Variants in LIMS1 observed in about 807,000 individuals in gnomAD.
LIMS1 encodes LIM zinc finger domain containing 1.
LIMS1 carries 18 observed loss-of-function variants against 44.1 expected under a neutral mutation model. That is an observed-to-expected ratio of 0.41 (90% CI 0.28 to 0.61). LIMS1 has a LOEUF of 0.61. LIMS1 is among the 20% of genes least tolerant of loss of function. LIMS1 has a pLI of 0.32. For missense variants in LIMS1, 201 were observed against 422.0 expected, an observed-to-expected ratio of 0.48 and a Z score of 4.59; for synonymous variants, 93 against 149.1, an observed-to-expected ratio of 0.62 and a Z score of 2.74.
At chr2:108,647,838 C>T (rs1436265936) in intron 1 of LIMS1, among the ~76,000 whole-genome samples, 1 of 152,148 alleles carries the variant, frequency 6.6e-6, no homozygotes, top group African/African-American at 2.4e-5. Flanking sequence ...CTATTTATGG[C>T]AAACCCACAG....
chr2:108,673,086 A>G, intron 5 of LIMS1, 57 bp downstream of exon 5: 2 of 1,252,722 alleles, frequency 1.6e-6, no homozygotes, highest in Non-Finnish European at 1.1e-6. Flanking sequence ...GATTACATTT[A>G]TCTATATTTC....
intron 1 of LIMS1, among the ~76,000 whole-genome samples, chr2:108,639,294 A>G (rs915830683): frequency 7.9e-5 from 12 of 151,880 alleles, no homozygotes; most frequent in African/African-American, 2.9e-4. Context: ...AGTTCAGGAG[A>G]AAAAAAAGGG....
intron 1 of LIMS1, among the ~76,000 whole-genome samples, chr2:108,617,299 G>T (rs1176956695): frequency 6.6e-6 from 1 of 152,216 alleles, no homozygotes; most frequent in Non-Finnish European, 1.5e-5. Flanking sequence ...ACTATGACAA[G>T]TTTAGGCAAA....
intron 1 of LIMS1, among the ~76,000 whole-genome samples, chr2:108,560,334 A>G (rs1685068859): frequency 6.6e-6 from 1 of 152,152 alleles, no homozygotes; most frequent in East Asian, 1.9e-4. Flanking sequence ...ACCCTAAGGA[A>G]AAGCCGTAGT....
chr2:108,591,578 G>A (rs1207805807), intron 1 of LIMS1, among the ~76,000 whole-genome samples: 1 of 151,918 alleles, frequency 6.6e-6, no homozygotes, highest in Non-Finnish European at 1.5e-5. Flanking sequence ...TCCTGCTCCC[G>A]CCTCCCAAAT....
intron 1 of LIMS1, among the ~76,000 whole-genome samples, chr2:108,653,989 C>CAGTT (rs922076790): frequency 5.4e-5 from 8 of 148,170 alleles, no homozygotes; most frequent in African/African-American, 2.0e-4. Context: ...AGGAAGCAAT[C>CAGTT]AGTTATGCAT....
chr2:108,620,657 G>A (rs933967247), intron 1 of LIMS1, among the ~76,000 whole-genome samples: 6 of 152,160 alleles, frequency 3.9e-5, no homozygotes, highest in East Asian at 3.9e-4. Context: ...CCTTTCCTAC[G>A]AGAGGGCATT....
chr2:108,641,285 A>G (rs1689650475), intron 1 of LIMS1, among the ~76,000 whole-genome samples: 1 of 152,244 alleles, frequency 6.6e-6, no homozygotes, highest in Non-Finnish European at 1.5e-5. Context: ...AAGATATCAT[A>G]AAGTTTGGGA....
chr2:108,656,624 T>TC (rs1335078395), intron 1 of LIMS1, among the ~76,000 whole-genome samples: 15 of 150,998 alleles, frequency 9.9e-5, no homozygotes, highest in Non-Finnish European at 2.2e-4. Flanking sequence ...GTTTCCTTTT[T>TC]CCCCCTGCTT....
At chr2:108,667,549 A>ATATAT (rs1321611682) in intron 2 of LIMS1, among the ~76,000 whole-genome samples, 100 of 73,442 alleles carry the variant, frequency 1.4e-3, no homozygotes, top group African/African-American at 2.7e-3. Flanking sequence ...AAAAAAAAAA[A>ATATAT]AAATATATAT....
chr2:108,620,091 G>A (rs767359611), intron 1 of LIMS1, among the ~76,000 whole-genome samples: 10 of 152,126 alleles, frequency 6.6e-5, no homozygotes, highest in East Asian at 3.8e-4. Flanking sequence ...TCCTGGGGCC[G>A]TGGACCTAGC....
intron 1 of LIMS1, among the ~76,000 whole-genome samples, chr2:108,579,266 A>G (rs1163256186): frequency 6.6e-6 from 1 of 152,236 alleles, no homozygotes; most frequent in Non-Finnish European, 1.5e-5. Context: ...AAAGCTGAAT[A>G]TAAAGAATTT....
At chr2:108,602,394 G>GT (rs1232808704) in intron 1 of LIMS1, among the ~76,000 whole-genome samples, 1 of 152,182 alleles carries the variant, frequency 6.6e-6, no homozygotes, top group Non-Finnish European at 1.5e-5. Context: ...AAGGCTTTCA[G>GT]TTTTTCCCCG....
In LIMS1 at chr2:108,551,953, G is replaced by GTGTATA. The variant is rs56703030; in HGVS notation, c.32+17360_32+17361insGTATAT. Among the ~76,000 whole-genome samples, 345 of 85,312 alleles carry GTGTATA rather than the reference G, an allele frequency of 4.0e-3. 2 individuals carry two copies. Among genetic ancestry groups the GTGTATA allele is most frequent in the African/African-American group, 0.011 (320 of 29,386 alleles). The allele number at this position is 85,312 out of a possible 152,430, so 56.0% of individuals were successfully genotyped here. A position where few individuals can be genotyped will look rare whatever the true frequency, so the allele number is the denominator to read the frequency against. ...TATGTGTGTGTGTGTGTGTGTGTGT[G>GTGTATA]TATATATATATATATATATGTATAT... On this transcript the variant is annotated intron_variant, in intron 1 of 9. Coordinates refer to ENST00000544547, the Ensembl canonical transcript of LIMS1.
rs187361566 is a variant in LIMS1, at chr2:108,619,795, A to T, written c.33-39810A>T. Among the ~76,000 whole-genome samples, 727 of 152,236 alleles carry T rather than the reference A, an allele frequency of 4.8e-3. 29 individuals carry two copies. The highest frequency in any genetic ancestry group is 0.044 in the Admixed American group (679 of 15,290). ...TTGGTATTTAAATCTTCTACATTCT[A>T]TTTGTTTTTGAGTGGCAATATATTC... On this transcript the variant is annotated intron_variant, in intron 1 of 9. Transcript: ENST00000544547.
At chr2:108,653,906 G>A (rs907961067) in intron 1 of LIMS1, among the ~76,000 whole-genome samples, 2 of 114,024 alleles carry the variant, frequency 1.8e-5, no homozygotes, top group African/African-American at 5.9e-5. Flanking sequence ...TTGAGTCCTT[G>A]ATCAGCCTTC....
intron 1 of LIMS1, among the ~76,000 whole-genome samples, chr2:108,551,369 A>G (rs1382441907): frequency 6.8e-6 from 1 of 146,712 alleles, no homozygotes; most frequent in African/African-American, 2.5e-5. Flanking sequence ...TGTATTATAT[A>G]TTTATATATA....
chr2:108,656,929 G>A (rs1424118690), intron 1 of LIMS1, among the ~76,000 whole-genome samples: 153 of 60,858 alleles, frequency 2.5e-3, no homozygotes, highest in Non-Finnish European at 4.2e-3. Flanking sequence ...ATTGAAACTG[G>A]GAACAATTTA....
chr2:108,659,304 C>G (rs1691156075), intron 1 of LIMS1: 4 of 312,104 alleles, frequency 1.3e-5, no homozygotes, highest in Non-Finnish European at 1.9e-5. Flanking sequence ...ACTTTCATCT[C>G]TGTCTCAGGT....
Sources: allele counts gnomAD v4.1 joint callset (sites outside exome capture counted in the v4.1 genomes callset), GRCh38; gene constraint gnomAD v4.1.1; transcripts MANE v1.5; gene names NCBI Gene and HGNC (gene_info 2026-07-23, HGNC 2026-07-21).